Variants in CPED1 observed in about 807,000 individuals in gnomAD.
CPED1 encodes the protein cadherin like and PC-esterase domain containing 1, also known as cadherin-like and PC-esterase domain-containing protein 1.
In CPED1, 114 loss-of-function variants were observed where a neutral mutation model predicts 128.2. That is an observed-to-expected ratio of 0.89 (90% CI 0.76 to 1.04). The LOEUF is 1.04. Among genes scored for constraint, CPED1 ranks in the 50% least tolerant of loss-of-function variants. CPED1 has a pLI of 0.00. For missense variants in CPED1, 1,211 were observed against 1,207.1 expected, an observed-to-expected ratio of 1.00 and a Z score of -0.05; for synonymous variants, 462 against 426.7, an observed-to-expected ratio of 1.08 and a Z score of -1.02.
At chr7:121,117,623 A>C (rs1446478408) in intron 7 of CPED1, among the ~76,000 whole-genome samples, 1 of 151,906 alleles carries the variant, frequency 6.6e-6, no homozygotes, top group Non-Finnish European at 1.5e-5. Flanking sequence ...TGCATTTTGG[A>C]GTGGAGGCAG....
intron 3 of CPED1, among the ~76,000 whole-genome samples, chr7:121,025,564 G>A (rs1792556754): frequency 6.6e-6 from 1 of 152,096 alleles, no homozygotes. Context: ...ATGAGCCGTA[G>A]TGGAATAAAC....
In CPED1 at chr7:121,127,222, A is replaced by G. The variant is rs777496460; in HGVS notation, c.1267A>G (p.Ile423Val). Residue 423 changes from isoleucine (I) to valine (V), a missense_variant, in exon 10 of 23, where the codon ATA becomes GTA. Physicochemically the swap from Ile to Val is conservative, Grantham distance 29. Transcript: ENST00000310396. ...ATCATCACTTTCCATATTTTCTGAG[A>G]TATTTCAGAGACTTTATAGATCAGA... is the stretch of plus-strand genomic sequence containing the variant. ...NESSLSIFSE[I>V]FQRLYRSDVF... The G allele has an allele frequency of 6.3e-7, 1 of 1,591,300 alleles. No homozygotes were observed. The highest frequency in any genetic ancestry group is 1.7e-5 in the Admixed American group (1 of 59,068).
At chr7:121,061,564 G>A (rs1039644998) in intron 4 of CPED1, among the ~76,000 whole-genome samples, 2 of 152,192 alleles carry the variant, frequency 1.3e-5, no homozygotes, top group Non-Finnish European at 2.9e-5. Flanking sequence ...GGGGCAGGGA[G>A]TATATGGGAA....
intron 16 of CPED1, among the ~76,000 whole-genome samples, chr7:121,212,865 T>C (rs1797678038): frequency 6.6e-6 from 1 of 152,108 alleles, no homozygotes; most frequent in South Asian, 2.1e-4. Flanking sequence ...GAATTTATTT[T>C]AAATCTTTAG....
At chr7:121,038,076 T>C (rs1450111976) in intron 3 of CPED1, among the ~76,000 whole-genome samples, 2 of 152,158 alleles carry the variant, frequency 1.3e-5, no homozygotes, top group Non-Finnish European at 2.9e-5. Context: ...AATCATATCA[T>C]CAGCAAGCAG....
In CPED1 at chr7:121,209,661, T is replaced by A. The variant is rs147510398; in HGVS notation, c.2056-27053T>A. On this transcript the variant is annotated intron_variant, in intron 16 of 22. Coordinates refer to ENST00000310396, the MANE Select transcript of CPED1 (RefSeq NM_024913.5). ...CAAAACTATGAAACTACTAAAAAAA[T>A]TTTGAGGAAACTCTCCAGAACATTG... is the stretch of plus-strand genomic sequence containing the variant. Among the ~76,000 whole-genome samples the A allele has an allele frequency of 5.7e-3, 863 of 152,052 alleles. 5 individuals are homozygous for A. The highest frequency in any genetic ancestry group is 0.024 in the Middle Eastern group (7 of 294).
chr7:121,162,653 C>G (rs565418467), intron 16 of CPED1, among the ~76,000 whole-genome samples: 1 of 152,184 alleles, frequency 6.6e-6, no homozygotes, highest in Non-Finnish European at 1.5e-5. Flanking sequence ...ATTCCAAGCT[C>G]CAGGTGAAGT....
intron 12 of CPED1, among the ~76,000 whole-genome samples, chr7:121,131,494 T>TG (rs1312372173): frequency 7.0e-5 from 10 of 142,132 alleles, no homozygotes; most frequent in African/African-American, 2.4e-4. Context: ...GTTTCAAAGT[T>TG]TTTTTTTTTT....
Position 121,127,270 on chromosome 7 carries a change from T to A in CPED1, c.1302+13T>A, listed in dbSNP as rs775608535. ...AGATGTTTTCAAGGTAAGTGCATAT[T>A]TGTGTACTGATAAATATTTTTTCAA... On this transcript the variant is annotated intron_variant, in intron 10 of 22. Coordinates refer to ENST00000310396, the MANE Select transcript of CPED1 (RefSeq NM_024913.5). 2.2e-5 allele frequency: 33 copies of A among 1,477,708 alleles called. No homozygotes were observed. Among genetic ancestry groups the A allele is most frequent in the Non-Finnish European group, 3.0e-5 (32 of 1,082,218 alleles). The allele number at this position is 1,477,708 out of a possible 1,614,324, so 91.5% of individuals were successfully genotyped here.
intron 5 of CPED1, among the ~76,000 whole-genome samples, chr7:121,093,109 G>A (rs936282570): frequency 2.6e-5 from 4 of 152,094 alleles, no homozygotes; most frequent in Admixed American, 6.6e-5. Context: ...CACTCATTGA[G>A]TGATTTCAAG....
In CPED1 at chr7:121,064,219, T is replaced by C; in HGVS notation, c.541-19T>C. 1 of 1,552,828 alleles carries C rather than the reference T, an allele frequency of 6.4e-7. No individual in the cohort carries two copies. Among genetic ancestry groups the C allele is most frequent in the Admixed American group, 1.7e-5 (1 of 59,926 alleles). On this transcript the variant is annotated intron_variant, in intron 4 of 22. Transcript: ENST00000310396. ...TTGATGAATGCCTCACTCACTAGAA[T>C]CTTTTTCATTCCTTTCAGGCAAACA...
intron 22 of CPED1, among the ~76,000 whole-genome samples, chr7:121,274,953 G>A (rs1430485336): frequency 3.3e-5 from 5 of 152,050 alleles, no homozygotes; most frequent in Admixed American, 6.6e-5. Flanking sequence ...CTCATCTTAT[G>A]AGCCTGGCAA....
chr7:121,291,295 G>T lies in CPED1; in HGVS notation c.2869-4145G>T, dbSNP rs560037281. Among the ~76,000 whole-genome samples, 7 of 152,176 alleles carry T rather than the reference G, an allele frequency of 4.6e-5. No individual in the cohort carries two copies. The South Asian group carries it at 1.2e-3, about 27-fold the overall frequency. On this transcript the variant is annotated intron_variant, in intron 22 of 22. Coordinates refer to ENST00000310396, the MANE Select transcript of CPED1 (RefSeq NM_024913.5). ...TGTCTTGGTTATACGGGCTTCTTTT[G>T]GTTTCATATGAAATTTAAAGTAGTT...
chr7:121,096,551 G>A (rs1188792464), intron 5 of CPED1, among the ~76,000 whole-genome samples: 2 of 152,042 alleles, frequency 1.3e-5, no homozygotes, highest in Non-Finnish European at 2.9e-5. Flanking sequence ...CATTGACCTG[G>A]CAATTACACA....
intron 4 of CPED1, among the ~76,000 whole-genome samples, chr7:121,048,896 T>C (rs1793280492): frequency 6.6e-6 from 1 of 152,234 alleles, no homozygotes; most frequent in African/African-American, 2.4e-5. Context: ...ACCTTTATTC[T>C]GGTCAGATAA....
chr7:121,155,654 A>G (rs772745802), intron 16 of CPED1, among the ~76,000 whole-genome samples: 30 of 152,228 alleles, frequency 2.0e-4, no homozygotes, highest in Non-Finnish European at 4.0e-4. Context: ...CTGGATAACT[A>G]TATGCAGAAG....
chr7:121,287,251 A>C (rs893461868), intron 22 of CPED1, among the ~76,000 whole-genome samples: 1 of 151,652 alleles, frequency 6.6e-6, no homozygotes, highest in Non-Finnish European at 1.5e-5. Context: ...TATACCCCCA[A>C]CCTCCTGCCA....
At chr7:121,076,483 T>A (rs10275526) in intron 5 of CPED1, 1 of 151,936 alleles carries the variant, frequency 6.6e-6, no homozygotes, top group Admixed American at 6.6e-5. Flanking sequence ...CCCTTTCTTA[T>A]GTGGTTGGTT....
intron 20 of CPED1, 146 bp from the exon 21 acceptor site, chr7:121,267,069 A>G (rs1371889942): frequency 2.1e-5 from 13 of 616,220 alleles, no homozygotes; most frequent in Non-Finnish European, 3.4e-5. Flanking sequence ...ACCGTATTAT[A>G]CATCAAATAT....
Sources: allele counts gnomAD v4.1 joint callset (sites outside exome capture counted in the v4.1 genomes callset), GRCh38; gene constraint gnomAD v4.1.1; transcripts MANE v1.5; gene names NCBI Gene and HGNC (gene_info 2026-07-23, HGNC 2026-07-21).